Variants in ME1 observed in about 807,000 individuals in gnomAD.
The protein encoded by ME1 is malic enzyme 1.
ME1 carries 74 observed loss-of-function variants against 66.4 expected under a neutral mutation model. That is an observed-to-expected ratio of 1.11 (90% CI 0.92 to 1.35). The LOEUF is 1.35. Ranked by LOEUF, ME1 falls within the 40% of genes most tolerant of loss-of-function variation. The probability of loss-of-function intolerance (pLI) is 0.00; values close to 1 mark genes in which losing one functional copy is unlikely to be tolerated. For missense variants in ME1, 750 were observed against 694.1 expected, an observed-to-expected ratio of 1.08 and a Z score of -0.90; for synonymous variants, 251 against 235.6, an observed-to-expected ratio of 1.07 and a Z score of -0.60.
At chr6:83,314,228 C>A (rs939275826) in intron 6 of ME1, among the ~76,000 whole-genome samples, 1 of 152,130 alleles carries the variant, frequency 6.6e-6, no homozygotes. Context: ...GGCCCACAAT[C>A]AAATGCTAAC....
intron 1 of ME1, among the ~76,000 whole-genome samples, chr6:83,425,381 T>C (rs1039138275): frequency 6.6e-6 from 1 of 152,162 alleles, no homozygotes; most frequent in South Asian, 2.1e-4. Flanking sequence ...TATCCAAGAC[T>C]GGGAAATTTA....
chr6:83,300,679 C>A (rs1767698933), intron 6 of ME1, among the ~76,000 whole-genome samples: 1 of 144,998 alleles, frequency 6.9e-6, no homozygotes. Flanking sequence ...CCATTTGACC[C>A]AGCCATCCCA....
intron 6 of ME1, among the ~76,000 whole-genome samples, chr6:83,286,924 A>T (rs1390896397): frequency 6.6e-6 from 1 of 152,214 alleles, no homozygotes; most frequent in Admixed American, 6.6e-5. Context: ...AAAGCATCAA[A>T]TTGCATTGGA....
intron 3 of ME1, among the ~76,000 whole-genome samples, chr6:83,384,141 A>G (rs2128548944): frequency 6.6e-6 from 1 of 151,950 alleles, no homozygotes; most frequent in Admixed American, 6.6e-5. Context: ...ATACCAGTGC[A>G]TGTGTCTTTT....
chr6:83,359,466 T>C (rs1768963866), intron 3 of ME1, among the ~76,000 whole-genome samples: 1 of 151,964 alleles, frequency 6.6e-6, no homozygotes, highest in Non-Finnish European at 1.5e-5. Context: ...TAGAGTTGTA[T>C]CAGGCTGAAT....
chr6:83,346,105 G>T, intron 5 of ME1, 68 bp downstream of exon 5: 2 of 1,242,340 alleles, frequency 1.6e-6, no homozygotes, highest in Non-Finnish European at 2.2e-6. Flanking sequence ...CCTGGAATAA[G>T]TTCAAAATGC....
chr6:83,278,187 C>A (rs1440066213), intron 6 of ME1, among the ~76,000 whole-genome samples: 1 of 152,042 alleles, frequency 6.6e-6, no homozygotes, highest in African/African-American at 2.4e-5. Flanking sequence ...AGTAGAAGCC[C>A]AGGAGCAGAA....
intron 7 of ME1, among the ~76,000 whole-genome samples, chr6:83,252,578 G>A (rs1790742692): frequency 6.6e-6 from 1 of 152,154 alleles, no homozygotes. Context: ...TGGGATTATA[G>A]GCGCCTAAGT....
At chr6:83,400,923 CG>C (rs1370735541) in intron 2 of ME1, among the ~76,000 whole-genome samples, 1 of 152,172 alleles carries the variant, frequency 6.6e-6, no homozygotes, top group East Asian at 1.9e-4. Context: ...AGCTACAAAA[CG>C]CTGTTCCTCA....
chr6:83,218,671 A>G (rs12194804), intron 12 of ME1, among the ~76,000 whole-genome samples: 29,498 of 152,120 alleles, frequency 0.19, 4,059 homozygotes, highest in East Asian at 0.39. Flanking sequence ...TGCCAGAGAG[A>G]ATTAGTGGAG....
Position 83,212,034 on chromosome 6 carries a change from C to G in ME1, c.1609G>C (p.Glu537Gln). The G allele has an allele frequency of 6.2e-7, 1 of 1,612,894 alleles. No homozygotes were observed. Among genetic ancestry groups the G allele is most frequent in the African/African-American group, 1.3e-5 (1 of 75,004 alleles). The change falls in exon 14 of 14, where the codon GAA becomes CAA. Residue 537 changes from glutamate to glutamine, a missense_variant. Glu to Gln is a conservative substitution (Grantham distance 29, BLOSUM62 2). Coordinates refer to ENST00000369705, the MANE Select transcript of ME1 (RefSeq NM_002395.6). ...ATVYPEPQNK[E>Q]AFVRSQMYST... The stretch of plus-strand genomic sequence containing the variant: ...TACATCTGGGAGCGGACAAATGCTT[C>G]TTTGTTTTGCGGTTCAGGATAAACT...
Position 83,275,464 on chromosome 6 carries a change from CTTTTTTTTTT to C in ME1, c.705-21736_705-21727del, listed in dbSNP as rs767009219. ...GAAAATTAGGTAAAATAGTTTTGAT[CTTTTTTTTTT>C]TTTTTTTTTTTGATGGAGTCTTGCT... On this transcript the variant is annotated intron_variant, in intron 6 of 13. Transcript: ENST00000369705. Among the ~76,000 whole-genome samples the C allele has an allele frequency of 3.1e-4, 37 of 119,718 alleles. No individual in the cohort carries two copies. The South Asian group carries it at 6.3e-3, about 20-fold the overall frequency. 78.5% of individuals were successfully genotyped at this position (119,718 alleles called of 152,430 possible). A position where few individuals can be genotyped will look rare whatever the true frequency, so the allele number is the denominator to read the frequency against.
intron 12 of ME1, among the ~76,000 whole-genome samples, chr6:83,222,878 T>G (rs1394040840): frequency 6.6e-6 from 1 of 152,246 alleles, no homozygotes; most frequent in Non-Finnish European, 1.5e-5. Flanking sequence ...CCAGTGGGCC[T>G]GCTTTGTGAT....
chr6:83,225,353 C>A (rs892388461), intron 11 of ME1, among the ~76,000 whole-genome samples: 19 of 151,560 alleles, frequency 1.3e-4, no homozygotes, highest in African/African-American at 4.6e-4. Flanking sequence ...GAATCAGAAA[C>A]CCTAAACAAA....
At chr6:83,242,885 A>C (rs1562457185) in intron 7 of ME1, among the ~76,000 whole-genome samples, 2 of 152,026 alleles carry the variant, frequency 1.3e-5, no homozygotes, top group Middle Eastern at 3.2e-3. Flanking sequence ...AACTCTCAAA[A>C]ACCCAGGTAT....
At chr6:83,265,623 A>T (rs1766975255) in intron 6 of ME1, among the ~76,000 whole-genome samples, 1 of 152,166 alleles carries the variant, frequency 6.6e-6, no homozygotes, top group Admixed American at 6.5e-5. Context: ...TTTCACTGAG[A>T]AACCAAAAAA....
intron 6 of ME1, among the ~76,000 whole-genome samples, chr6:83,311,505 G>A (rs1767931409): frequency 2.0e-5 from 3 of 152,160 alleles, no homozygotes; most frequent in Admixed American, 1.3e-4. Flanking sequence ...TGACAGAAGA[G>A]GGGATTGCGA....
intron 3 of ME1, among the ~76,000 whole-genome samples, chr6:83,375,077 G>T (rs1769261664): frequency 6.6e-6 from 1 of 152,064 alleles, no homozygotes; most frequent in Admixed American, 6.6e-5. Flanking sequence ...TTGGCTATAT[G>T]GGGTCTTCTT....
At chr6:83,357,935 C>CTCTCTCTCTCTCTCTCTCTATA (rs1447805761) in intron 3 of ME1, among the ~76,000 whole-genome samples, 1 of 30,040 alleles carries the variant, frequency 3.3e-5, no homozygotes, top group African/African-American at 1.2e-4. Context: ...CTCTCTCTCT[C>CTCTCTCTCTCTCTCTCTCTATA]TATATATATA....
Sources: gnomAD v4.1 joint callset for allele counts (sites outside exome capture counted in the v4.1 genomes callset) on GRCh38, gnomAD v4.1.1 for gene constraint, MANE v1.5 for transcripts, NCBI Gene and HGNC (gene_info 2026-07-23, HGNC 2026-07-21) for gene names.